The following SLC44A1 variants were observed in gnomAD, a reference collection of about 807,000 sequenced individuals.
SLC44A1 encodes solute carrier family 44 member 1.
Under a neutral mutation model 79.3 loss-of-function variants are expected in SLC44A1, and 26 were observed. That is an observed-to-expected ratio of 0.33 (90% CI 0.24 to 0.46). The LOEUF is 0.46. Ranked by LOEUF, SLC44A1 falls within the 20% of genes least tolerant of loss-of-function variation. The pLI, the probability that SLC44A1 is intolerant of heterozygous loss-of-function variation, is 1.00. For missense variants in SLC44A1, 688 were observed against 798.1 expected, an observed-to-expected ratio of 0.86 and a Z score of 1.66; for synonymous variants, 263 against 286.2, an observed-to-expected ratio of 0.92 and a Z score of 0.82.
At chr9:105,273,243 C>T (rs556818904) in intron 1 of SLC44A1, among the ~76,000 whole-genome samples, 4 of 152,290 alleles carry the variant, frequency 2.6e-5, no homozygotes, top group South Asian at 4.1e-4. Flanking sequence ...CCACCTGCTT[C>T]GGCCTCCCAA....
intron 15 of SLC44A1, among the ~76,000 whole-genome samples, chr9:105,430,772 T>C (rs7857578): frequency 0.084 from 12,741 of 152,218 alleles, 1,743 homozygotes; most frequent in African/African-American, 0.29. Context: ...GTTTTCAATT[T>C]TTTTGGTTAT....
intron 3 of SLC44A1, among the ~76,000 whole-genome samples, chr9:105,312,749 T>C (rs1831213890): frequency 6.6e-6 from 1 of 152,222 alleles, no homozygotes; most frequent in South Asian, 2.1e-4. Context: ...AATTTGCATG[T>C]CTTTGATTAT....
In SLC44A1 at chr9:105,395,297, C is replaced by A; in HGVS notation, c.*6241C>A. ...GCAGTGGCTCAATCTTAGCTCACTGCAACCTCCACCTCCCAGGTTCAAGTG... is the reference window on the plus strand; with the variant it reads ...GCAGTGGCTCAATCTTAGCTCACTGAAACCTCCACCTCCCAGGTTCAAGTG... On this transcript the variant is annotated 3_prime_UTR_variant, in exon 16 of 16. Transcript: ENST00000374720. 1 of 562,558 alleles carries A rather than the reference C, an allele frequency of 1.8e-6. No homozygotes were observed. Among genetic ancestry groups the A allele is most frequent in the Non-Finnish European group, 2.3e-6 (1 of 444,034 alleles). The allele number at this position is 562,558 out of a possible 1,614,324, so 34.8% of individuals were successfully genotyped here.
At chr9:105,249,589 A>T (rs561868463) in intron 1 of SLC44A1, among the ~76,000 whole-genome samples, 1 of 151,478 alleles carries the variant, frequency 6.6e-6, no homozygotes, top group East Asian at 1.9e-4. Flanking sequence ...TGGTGGCATA[A>T]TCTCGGTTCA....
intron 1 of SLC44A1, among the ~76,000 whole-genome samples, chr9:105,277,489 G>A (rs756941214): frequency 1.3e-5 from 2 of 152,178 alleles, no homozygotes; most frequent in Non-Finnish European, 2.9e-5. Flanking sequence ...CCACACTCTG[G>A]TAAGCAGGTA....
chr9:105,305,159 A>G (rs2095395473), intron 2 of SLC44A1, among the ~76,000 whole-genome samples: 1 of 151,098 alleles, frequency 6.6e-6, no homozygotes, highest in Non-Finnish European at 1.5e-5. Flanking sequence ...TTGTAGAGAC[A>G]GGGTCTCACT....
chr9:105,375,321 T>C (rs1216357915), intron 13 of SLC44A1, among the ~76,000 whole-genome samples: 1 of 152,344 alleles, frequency 6.6e-6, no homozygotes, highest in East Asian at 1.9e-4. Flanking sequence ...ATTACAGGCA[T>C]GAGCCACTGC....
chr9:105,284,228 CTTT>C (rs34449378), intron 1 of SLC44A1, among the ~76,000 whole-genome samples: 72 of 132,120 alleles, frequency 5.4e-4, no homozygotes, highest in Non-Finnish European at 9.9e-4. Context: ...CAAATACAGT[CTTT>C]TTTTTTTTTT....
intron 3 of SLC44A1, among the ~76,000 whole-genome samples, chr9:105,334,751 T>C (rs377440672): frequency 6.6e-6 from 1 of 152,190 alleles, no homozygotes; most frequent in Non-Finnish European, 1.5e-5. Context: ...CTTTATAACA[T>C]TAAAAATACA....
intron 1 of SLC44A1, among the ~76,000 whole-genome samples, chr9:105,287,617 TC>T (rs1360216982): frequency 6.6e-6 from 1 of 152,240 alleles, no homozygotes; most frequent in African/African-American, 2.4e-5. Context: ...GAACTTAAAA[TC>T]ATTTATCCTG....
chr9:105,343,620 G>A (rs557111599), intron 4 of SLC44A1, among the ~76,000 whole-genome samples: 166 of 152,240 alleles, frequency 1.1e-3, no homozygotes, highest in Non-Finnish European at 1.9e-3. Flanking sequence ...CGAATTAATT[G>A]TCTCCAAGTC....
At chr9:105,307,558 C>T (rs1057298441) in intron 2 of SLC44A1, among the ~76,000 whole-genome samples, 3 of 151,504 alleles carry the variant, frequency 2.0e-5, no homozygotes, top group Admixed American at 6.6e-5. Flanking sequence ...GCAGGAGAAT[C>T]GCTTGAACCT....
chr9:105,430,888 A>C (rs572082225), intron 15 of SLC44A1, among the ~76,000 whole-genome samples: 1 of 152,318 alleles, frequency 6.6e-6, no homozygotes, highest in South Asian at 2.1e-4. Flanking sequence ...CATTCCCACC[A>C]GCAATGTATG....
intron 3 of SLC44A1, among the ~76,000 whole-genome samples, chr9:105,327,738 T>C (rs1826625076): frequency 6.6e-6 from 1 of 152,182 alleles, no homozygotes; most frequent in African/African-American, 2.4e-5. Context: ...TGGTTAACTC[T>C]TACTCATTCT....
At chr9:105,301,427 C>T (rs954408668) in intron 2 of SLC44A1, among the ~76,000 whole-genome samples, 3 of 152,180 alleles carry the variant, frequency 2.0e-5, no homozygotes, top group Non-Finnish European at 4.4e-5. Flanking sequence ...TAATGGATTA[C>T]TACCTTCATG....
intron 7 of SLC44A1, among the ~76,000 whole-genome samples, chr9:105,359,675 A>G (rs184697337): frequency 3.3e-4 from 50 of 152,270 alleles, no homozygotes; most frequent in African/African-American, 9.4e-4. Context: ...CTTTTCTCCT[A>G]TAATTCATTT....
At chr9:105,438,439 C>A in exon 16 of SLC44A1, 1 of 655,184 alleles carries the variant, frequency 1.5e-6, no homozygotes, top group South Asian at 1.9e-5. Flanking sequence ...TCTCAAACCA[C>A]CAACAGCCAA....
At chr9:105,418,716 G>T (rs1763496204) in intron 15 of SLC44A1, among the ~76,000 whole-genome samples, 1 of 152,150 alleles carries the variant, frequency 6.6e-6, no homozygotes, top group African/African-American at 2.4e-5. Context: ...GGGTTAAGCT[G>T]CCCCAGTTGC....
chr9:105,244,834 G>C lies in SLC44A1; in HGVS notation c.-35G>C. On this transcript the variant is annotated 5_prime_UTR_variant, in exon 1 of 16. Transcript: ENST00000374720. ...GAGGGGCTCCGGGGCGTAGCTGCGC[G>C]CCCGGCGCCGCCTCCGGGCTCCTTC... 1 of 1,105,092 alleles carries C rather than the reference G, an allele frequency of 9.0e-7. No homozygotes were observed. Among genetic ancestry groups the C allele is most frequent in the Non-Finnish European group, 1.1e-6 (1 of 907,770 alleles). The allele number at this position is 1,105,092 out of a possible 1,614,324, so 68.5% of individuals were successfully genotyped here. A position where few individuals can be genotyped will look rare whatever the true frequency, so the allele number is the denominator to read the frequency against.
Sources: allele counts gnomAD v4.1 joint callset (sites outside exome capture counted in the v4.1 genomes callset), GRCh38; gene constraint gnomAD v4.1.1; transcripts MANE v1.5; gene names NCBI Gene and HGNC (gene_info 2026-07-23, HGNC 2026-07-21).